Variants in MEGF6 observed in about 807,000 individuals in gnomAD.
MEGF6 encodes the protein multiple epidermal growth factor-like domains protein 6.
A neutral mutation model predicts 207.1 loss-of-function variants in MEGF6; 184 were observed. That is an observed-to-expected ratio of 0.89 (90% CI 0.79 to 1.00). MEGF6 has a LOEUF of 1.00. Ranked by LOEUF, MEGF6 falls within the 50% of genes least tolerant of loss-of-function variation. The pLI, the probability that MEGF6 is intolerant of heterozygous loss-of-function variation, is 0.00. For missense variants in MEGF6, 2,282 were observed against 2,202.9 expected (o/e 1.04, Z -0.72); for synonymous variants, 1,038 against 910.0 (o/e 1.14, Z -2.53).
chr1:3,624,053 T>C, the MEGF6 span, among the ~76,000 whole-genome samples: 2 of 152,176 alleles, frequency 1.3e-5, no homozygotes, highest in Non-Finnish European at 2.9e-5. Context: ...CCCCACTCCC[T>C]GACTGAAGTA....
chr1:3,578,292 T>C (rs1293857433), intron 4 of MEGF6, among the ~76,000 whole-genome samples: 3 of 152,214 alleles, frequency 2.0e-5, no homozygotes, highest in Non-Finnish European at 4.4e-5. Flanking sequence ...GCGGCGCACA[T>C]TGCCAAAAGA....
At chr1:3,549,172 C>T (rs1348746852) in intron 4 of MEGF6, among the ~76,000 whole-genome samples, 1 of 152,194 alleles carries the variant, frequency 6.6e-6, no homozygotes, top group Admixed American at 6.5e-5. Flanking sequence ...CCCCTAGTCT[C>T]GGGGCCCCCG....
chr1:3,516,973 C>A (rs1355254899), intron 5 of MEGF6, among the ~76,000 whole-genome samples: 1 of 152,204 alleles, frequency 6.6e-6, no homozygotes, highest in Non-Finnish European at 1.5e-5. Flanking sequence ...CACCTAACTG[C>A]CCAGACAAGA....
intron 2 of MEGF6, among the ~76,000 whole-genome samples, chr1:3,601,906 G>A (rs1207604800): frequency 1.4e-4 from 21 of 152,206 alleles, no homozygotes; most frequent in African/African-American, 9.7e-5. Flanking sequence ...CTGAGAATGC[G>A]TTCCTGCCTT....
At chr1:3,541,369 G>C (rs894553298) in intron 4 of MEGF6, among the ~76,000 whole-genome samples, 2 of 152,256 alleles carry the variant, frequency 1.3e-5, no homozygotes, top group Non-Finnish European at 2.9e-5. Flanking sequence ...AAGCATTAAA[G>C]CCTCCCCAGG....
At chr1:3,575,654 C>CAA (rs1643622595) in intron 4 of MEGF6, among the ~76,000 whole-genome samples, 2 of 151,868 alleles carry the variant, frequency 1.3e-5, no homozygotes, top group South Asian at 2.1e-4. Flanking sequence ...TGGCAGCAGG[C>CAA]AAAGAGAGAG....
chr1:3,510,925 C>T (rs371071413), intron 9 of MEGF6, 23 bp from the exon 10 acceptor site: 5 of 1,585,304 alleles, frequency 3.2e-6, no homozygotes, highest in African/African-American at 1.3e-5. Flanking sequence ...CGCCACGGGC[C>T]CCCTGGTACC....
At chr1:3,529,092 C>T (rs1304213906) in intron 4 of MEGF6, among the ~76,000 whole-genome samples, 8 of 152,172 alleles carry the variant, frequency 5.3e-5, no homozygotes, top group African/African-American at 1.9e-4. Context: ...ACGGGAGCCG[C>T]GTGCCCTGCA....
intron 1 of MEGF6, among the ~76,000 whole-genome samples, chr1:3,610,099 G>A (rs977170721): frequency 3.9e-5 from 6 of 152,258 alleles, no homozygotes; most frequent in African/African-American, 1.4e-4. Flanking sequence ...GACTAGGGCC[G>A]TTCACACTGC....
intron 4 of MEGF6, among the ~76,000 whole-genome samples, chr1:3,559,171 C>G (rs1420708718): frequency 6.6e-6 from 1 of 152,200 alleles, no homozygotes; most frequent in Non-Finnish European, 1.5e-5. Context: ...GAGGAGGAAC[C>G]CTGGGGGCCT....
intron 5 of MEGF6, among the ~76,000 whole-genome samples, chr1:3,523,730 T>C (rs1287846183): frequency 6.6e-6 from 1 of 152,242 alleles, no homozygotes; most frequent in Middle Eastern, 3.4e-3. Context: ...AAATCAAATG[T>C]AGGGGACATC....
At chr1:3,584,748 A>G (rs1175592279) in intron 3 of MEGF6, among the ~76,000 whole-genome samples, 1 of 152,244 alleles carries the variant, frequency 6.6e-6, no homozygotes, top group East Asian at 1.9e-4. Flanking sequence ...AGCAGTCCCC[A>G]GGCCTGCATC....
upstream of MEGF6, among the ~76,000 whole-genome samples, chr1:3,611,682 C>G (rs546659827): frequency 6.8e-6 from 1 of 147,714 alleles, no homozygotes; most frequent in South Asian, 2.2e-4. Flanking sequence ...TGTACTTGCC[C>G]GTATCCCTCA....
intron 4 of MEGF6, among the ~76,000 whole-genome samples, chr1:3,534,237 TAGAAG>T (rs1045085591): frequency 7.9e-5 from 12 of 152,266 alleles, no homozygotes; most frequent in Middle Eastern, 3.4e-3. Flanking sequence ...CAAGAAAGAA[TAGAAG>T]AGAACTACCC....
intron 4 of MEGF6, among the ~76,000 whole-genome samples, chr1:3,578,513 G>A (rs1004676507): frequency 6.6e-6 from 1 of 151,292 alleles, no homozygotes; most frequent in African/African-American, 2.4e-5. Context: ...GGATGTCACA[G>A]GGCAATGACA....
chr1:3,495,911 C>A lies in MEGF6; in HGVS notation c.3850G>T (p.Ala1284Ser). ...TGTCLCPPGR[A>S]GVRCERGCPQ... ...TCACCTCGCTCACAGCGGACGCCGG[C>A]TCTCCCCGGGGGGCAGAGGCAGGTG... is the stretch of plus-strand genomic sequence containing the variant. Residue 1284 changes from alanine to serine, a missense_variant, in exon 30 of 37, where the codon GCC (alanine) becomes TCC (serine). Coordinates refer to ENST00000356575, the MANE Select transcript of MEGF6 (RefSeq NM_001409.4). 1 of 1,598,018 alleles carries A rather than the reference C, an allele frequency of 6.3e-7. No homozygotes were observed. The highest frequency in any genetic ancestry group is 8.5e-7 in the Non-Finnish European group (1 of 1,179,078).
In MEGF6 at chr1:3,531,153, G is replaced by T. The variant is rs891762952; in HGVS notation, c.482-6907C>A. 2.1e-4 allele frequency: 319 copies of T among 1,527,214 alleles called. 1 individual carries two copies. The highest frequency in any genetic ancestry group is 2.7e-4 in the Non-Finnish European group (311 of 1,138,970). The allele number at this position is 1,527,214 out of a possible 1,614,324, so 94.6% of individuals were successfully genotyped here. Reference sequence around the variant, plus strand: ...GACATGGGTAGCAGCCCCTCCAGAGGTAGCGGTAGTGCGTGCCCGCGACGC... The same window carrying T: ...GACATGGGTAGCAGCCCCTCCAGAGTTAGCGGTAGTGCGTGCCCGCGACGC... On this transcript the variant is annotated intron_variant, in intron 4 of 36. Transcript: ENST00000356575.
intron 4 of MEGF6, among the ~76,000 whole-genome samples, chr1:3,564,548 T>A (rs1444560518): frequency 6.6e-6 from 1 of 151,922 alleles, no homozygotes; most frequent in Admixed American, 6.6e-5. Flanking sequence ...ACTGGCCTCC[T>A]CTCCCCACTG....
At chr1:3,617,022 G>C in the MEGF6 span, among the ~76,000 whole-genome samples, 1 of 152,104 alleles carries the variant, frequency 6.6e-6, no homozygotes, top group African/African-American at 2.4e-5. Flanking sequence ...AGACACACAG[G>C]CCTGGGCTGC....
Sources: allele counts gnomAD v4.1 joint callset (sites outside exome capture counted in the v4.1 genomes callset), GRCh38; gene constraint gnomAD v4.1.1; transcripts MANE v1.5; gene names NCBI Gene and HGNC (gene_info 2026-07-23, HGNC 2026-07-21).